Variants in NDST4 observed in about 807,000 individuals in gnomAD.
NDST4 encodes the protein N-heparan sulfate sulfotransferase 4.
In NDST4, 63 loss-of-function variants were observed where a neutral mutation model predicts 100.8. That is an observed-to-expected ratio of 0.62 (90% CI 0.51 to 0.77). The LOEUF (loss-of-function observed/expected upper bound fraction) is 0.77, where lower values mean the gene tolerates loss of function less well. Ranked by LOEUF, NDST4 falls within the 30% of genes least tolerant of loss-of-function variation. The pLI is 0.00. For missense variants in NDST4, 943 were observed against 1,018.4 expected (o/e 0.93, Z 1.01); for synonymous variants, 377 against 361.8 (o/e 1.04, Z -0.48).
chr4:114,864,646 G>T (rs182378178), intron 7 of NDST4, among the ~76,000 whole-genome samples: 1 of 152,276 alleles, frequency 6.6e-6, no homozygotes. Context: ...AACTCTCCTT[G>T]TTCCCCATGT....
intron 2 of NDST4, among the ~76,000 whole-genome samples, chr4:115,035,731 TA>T (rs1406996920): frequency 1.3e-5 from 2 of 152,094 alleles, no homozygotes; most frequent in Admixed American, 6.6e-5. Flanking sequence ...TCAGAACATC[TA>T]ACTTAAGGTT....
At chr4:114,851,087 C>G (rs1203557521) in intron 8 of NDST4, among the ~76,000 whole-genome samples, 1 of 152,152 alleles carries the variant, frequency 6.6e-6, no homozygotes, top group East Asian at 1.9e-4. Context: ...AGTTTGGGAA[C>G]CACTTTTGTA....
intron 2 of NDST4, among the ~76,000 whole-genome samples, chr4:115,049,121 C>T (rs1236650451): frequency 2.0e-5 from 3 of 152,128 alleles, no homozygotes; most frequent in Non-Finnish European, 4.4e-5. Context: ...TGACTTGTAA[C>T]AGAATGTGTT....
In NDST4 at chr4:114,884,721, C is replaced by T. The variant is rs531004525; in HGVS notation, c.1537-13771G>A. Among the ~76,000 whole-genome samples the T allele has an allele frequency of 3.9e-5, 6 of 152,122 alleles. No homozygotes were observed. The South Asian group carries it at 1.2e-3, about 32-fold the overall frequency. ...GAAAACGCATTTTTTGCCTTTATTG[C>T]CTTTTAGTGAAGAAGTCATAGAAAG... On this transcript the variant is annotated intron_variant, in intron 6 of 13. Transcript: ENST00000264363.
In NDST4 at chr4:115,057,246, G is replaced by A. The variant is rs537774607; in HGVS notation, c.978+18813C>T. Reference sequence around the variant, plus strand: ...AAAGACTGGAAAGGAAGAGAAGATAGCTAAACAAAGAGGTTTTGAATTTTC... The same window carrying A: ...AAAGACTGGAAAGGAAGAGAAGATAACTAAACAAAGAGGTTTTGAATTTTC... On this transcript the variant is annotated intron_variant, in intron 2 of 13. Coordinates refer to ENST00000264363, the MANE Select transcript of NDST4 (RefSeq NM_022569.3). Among the ~76,000 whole-genome samples the A allele has an allele frequency of 1.6e-4, 24 of 152,240 alleles. No individual in the cohort carries two copies. In the South Asian group the frequency reaches 3.5e-3, roughly 22 times the overall value.
At chr4:115,098,437 A>G (rs1040241433) in intron 1 of NDST4, among the ~76,000 whole-genome samples, 3 of 152,186 alleles carry the variant, frequency 2.0e-5, no homozygotes, top group Non-Finnish European at 4.4e-5. Flanking sequence ...TAGTTACAAT[A>G]GTCCAGAGGA....
At chr4:114,956,195 G>A (rs543939444) in intron 4 of NDST4, among the ~76,000 whole-genome samples, 3 of 152,198 alleles carry the variant, frequency 2.0e-5, no homozygotes, top group East Asian at 3.9e-4. Flanking sequence ...CCAGGACCCC[G>A]CCTATGAATC....
chr4:114,844,512 C>A (rs1723502205), intron 10 of NDST4, among the ~76,000 whole-genome samples: 1 of 152,186 alleles, frequency 6.6e-6, no homozygotes, highest in Non-Finnish European at 1.5e-5. Flanking sequence ...ATCCTCTACT[C>A]CACCTTTCTT....
intron 2 of NDST4, among the ~76,000 whole-genome samples, chr4:115,012,806 C>A (rs937004744): frequency 6.6e-6 from 1 of 151,762 alleles, no homozygotes; most frequent in Non-Finnish European, 1.5e-5. Flanking sequence ...CATCAGTAGA[C>A]AAATGGATAA....
rs574400290 is a variant in NDST4, at chr4:114,855,453, C to T, written c.1720-2632G>A. Reference sequence around the variant, plus strand: ...ATCCATTTTAATTTTATTTTGTGTACGGAGAGAGATAGGGGTCTAGTTTCA... The same window carrying T: ...ATCCATTTTAATTTTATTTTGTGTATGGAGAGAGATAGGGGTCTAGTTTCA... On this transcript the variant is annotated intron_variant, in intron 7 of 13. Coordinates refer to ENST00000264363, the MANE Select transcript of NDST4 (RefSeq NM_022569.3). Among the ~76,000 whole-genome samples the T allele has an allele frequency of 9.9e-5, 15 of 152,118 alleles. No individual in the cohort carries two copies. The East Asian group carries it at 1.9e-3, about 20-fold the overall frequency.
chr4:114,983,911 G>A (rs540628700), intron 2 of NDST4, among the ~76,000 whole-genome samples: 1 of 152,226 alleles, frequency 6.6e-6, no homozygotes, highest in South Asian at 2.1e-4. Context: ...TTGTGACAGA[G>A]TTCTCACAAG....
chr4:115,101,905 G>A (rs532923), intron 1 of NDST4, among the ~76,000 whole-genome samples: 27,046 of 152,002 alleles, frequency 0.18, 2,777 homozygotes, highest in East Asian at 0.43. Context: ...GGGTTGGAGA[G>A]GGATGTAAAT....
chr4:115,111,475 T>C (rs17584636), intron 1 of NDST4, among the ~76,000 whole-genome samples: 81,951 of 151,150 alleles, frequency 0.54, 22,695 homozygotes, highest in Non-Finnish European at 0.58. Context: ...ATATACTTCC[T>C]TTTGATGTTT....
intron 2 of NDST4, among the ~76,000 whole-genome samples, chr4:115,051,769 T>C (rs575337578): frequency 3.9e-5 from 6 of 152,272 alleles, no homozygotes; most frequent in African/African-American, 1.4e-4. Context: ...CTTTTGGATA[T>C]ATACCCAGTA....
At chr4:114,935,059 A>C (rs1725597623) in intron 6 of NDST4, 147 bp downstream of exon 6, 1 of 591,700 alleles carries the variant, frequency 1.7e-6, no homozygotes, top group Admixed American at 4.6e-5. Context: ...TTTATCAAGA[A>C]AAGTATTTTA....
chr4:115,082,499 C>T (rs896523411), intron 1 of NDST4, among the ~76,000 whole-genome samples: 4 of 152,082 alleles, frequency 2.6e-5, no homozygotes, highest in African/African-American at 7.2e-5. Context: ...ATTGCATATA[C>T]GTGTGGTTGT....
intron 6 of NDST4, among the ~76,000 whole-genome samples, chr4:114,932,748 A>T (rs1725541533): frequency 6.6e-6 from 1 of 152,058 alleles, no homozygotes; most frequent in Non-Finnish European, 1.5e-5. Context: ...GCATCAAAAA[A>T]ATACTTAGGA....
intron 1 of NDST4, among the ~76,000 whole-genome samples, chr4:115,108,334 T>C (rs1012538904): frequency 6.6e-6 from 1 of 152,020 alleles, no homozygotes; most frequent in Non-Finnish European, 1.5e-5. Flanking sequence ...AGGTGTCTGA[T>C]GAACTATGAC....
At chr4:114,863,064 T>C (rs563431315) in intron 7 of NDST4, among the ~76,000 whole-genome samples, 6 of 152,280 alleles carry the variant, frequency 3.9e-5, no homozygotes, top group Admixed American at 3.3e-4. Context: ...TTAACGGATG[T>C]TTGTATTTTC....
Sources: allele counts gnomAD v4.1 joint callset (sites outside exome capture counted in the v4.1 genomes callset), GRCh38; gene constraint gnomAD v4.1.1; transcripts MANE v1.5; gene names NCBI Gene and HGNC (gene_info 2026-07-23, HGNC 2026-07-21).